The following MT1M variants were observed in gnomAD, a reference collection of about 807,000 sequenced individuals.
MT1M encodes the protein metallothionein 1M, also known as metallothionein-1M.
A neutral mutation model predicts 8.5 loss-of-function variants in MT1M; 11 were observed. The ratio of observed to expected loss-of-function variants is 1.29; its 90% CI spans 0.81 to 2.14. The LOEUF (loss-of-function observed/expected upper bound fraction) is 2.14. Among genes scored for constraint, MT1M ranks in the 30% most tolerant of loss-of-function variants. The probability of loss-of-function intolerance (pLI) is 0.00; values close to 1 mark genes in which losing one functional copy is unlikely to be tolerated. For synonymous variants in MT1M, 28 were observed against 30.0 expected, an observed-to-expected ratio of 0.93 and a Z score of 0.22; for missense variants, 84 against 76.6, an observed-to-expected ratio of 1.10 and a Z score of -0.36.
Position 56,633,418 on chromosome 16 carries a change from C to T in MT1M, c.94+13C>T. On this transcript the variant is annotated intron_variant, in intron 2 of 2. Coordinates refer to ENST00000379818, the MANE Select transcript of MT1M (RefSeq NM_176870.3). Reference sequence around the variant, plus strand: ...TCCTGCAAGAAGAGTGAGTGCGGGGCCATCTCCAGGAATCTGGGGCTGTGG... The same window carrying T: ...TCCTGCAAGAAGAGTGAGTGCGGGGTCATCTCCAGGAATCTGGGGCTGTGG... 6.2e-7 allele frequency: 1 copy of T among 1,614,238 alleles called. No homozygotes were observed. The highest frequency in any genetic ancestry group is 8.5e-7 in the Non-Finnish European group (1 of 1,180,036).
chr16:56,633,665 G>C (rs1210745705), intron 2 of MT1M, 86 bp from the exon 3 acceptor site: 9 of 1,602,340 alleles, frequency 5.6e-6, no homozygotes, highest in East Asian at 4.5e-5. Context: ...CTGGGTCTGG[G>C]TTCTGAGCTC....
intron 1 of MT1M, 67 bp downstream of exon 1, chr16:56,632,826 T>A: frequency 6.3e-7 from 1 of 1,590,812 alleles, no homozygotes. Context: ...GGTCTCTGGG[T>A]TTGAGGAGGT....
intron 2 of MT1M, 69 bp from the exon 3 acceptor site, chr16:56,633,682 G>A: frequency 3.1e-6 from 5 of 1,605,932 alleles, no homozygotes; most frequent in Non-Finnish European, 4.3e-6. Flanking sequence ...GCTCCAGCCA[G>A]GCTTGCTATT....
chr16:56,632,700 G>C lies in MT1M; in HGVS notation c.-32G>C, dbSNP rs372415270. The C allele has an allele frequency of 6.2e-7, 1 of 1,612,918 alleles. No individual in the cohort carries two copies. The highest frequency in any genetic ancestry group is 1.7e-5 in the Admixed American group (1 of 60,032). Reference sequence around the variant, plus strand: ...GGGCCTAGCAGTCGCTCCATTTATCGCTTGAGATCTCCAGCCTTACCGCGG... The same window carrying C: ...GGGCCTAGCAGTCGCTCCATTTATCCCTTGAGATCTCCAGCCTTACCGCGG... On this transcript the variant is annotated 5_prime_UTR_variant, in exon 1 of 3. Coordinates refer to ENST00000379818, the MANE Select transcript of MT1M (RefSeq NM_176870.3).
At position 56,633,964 on chromosome 16, in the gene MT1M, A is replaced by G; in HGVS notation, c.*122A>G. 4 of 1,093,140 alleles carry G rather than the reference A, an allele frequency of 3.7e-6. No homozygotes were observed. Among genetic ancestry groups the G allele is most frequent in the Non-Finnish European group, 4.0e-6 (3 of 759,416 alleles). The allele number at this position is 1,093,140 out of a possible 1,614,324, so 67.7% of individuals were successfully genotyped here. On this transcript the variant is annotated 3_prime_UTR_variant, in exon 3 of 3. Transcript: ENST00000379818. ...TATATTAAATATGTGAGTGACAATAAAACAATTTTGACTTGAATCTTACTC... is the reference window on the plus strand; with the variant it reads ...TATATTAAATATGTGAGTGACAATAGAACAATTTTGACTTGAATCTTACTC...
Position 56,632,743 on chromosome 16 carries a change from C to A in MT1M, c.12C>A (p.Asn4Lys), listed in dbSNP as rs1159781860. 2 of 1,613,878 alleles carry A rather than the reference C, an allele frequency of 1.2e-6. No homozygotes were observed. Among genetic ancestry groups the A allele is most frequent in the Non-Finnish European group, 8.5e-7 (1 of 1,180,044 alleles). The change falls in exon 1 of 3, where the codon AAC becomes AAA. Residue 4 changes from asparagine to lysine, a missense_variant. Transcript: ENST00000379818. ...TACCGCGGCTCGAAATGGACCCCAA[C>A]TGCTCCTGCACCACTGGTAAGAGAA... MDP[N>K]CSCTTGVSCA...
chr16:56,633,586 G>C (rs1350079843), intron 2 of MT1M, 165 bp from the exon 3 acceptor site: 1 of 1,596,998 alleles, frequency 6.3e-7, no homozygotes, highest in African/African-American at 1.3e-5. Context: ...TTTTTCTCTT[G>C]GGACACAAAT....
chr16:56,633,712 T>C, intron 2 of MT1M, 39 bp from the exon 3 acceptor site: 1 of 1,612,592 alleles, frequency 6.2e-7, no homozygotes, highest in Non-Finnish European at 8.5e-7. Context: ...CGGTGCCCGG[T>C]CAAGTCTACT....
intron 1 of MT1M, 94 bp downstream of exon 1, chr16:56,632,853 G>C: frequency 6.6e-7 from 1 of 1,504,788 alleles, no homozygotes; most frequent in Non-Finnish European, 9.2e-7. Context: ...TAAGTTCTGA[G>C]CGGAAGGGAA....
chr16:56,633,325 T>G lies in MT1M; in HGVS notation c.29-15T>G, dbSNP rs1332196085. 6.2e-7 allele frequency: 1 copy of G among 1,614,128 alleles called. No homozygotes were observed. The highest frequency in any genetic ancestry group is 8.5e-7 in the Non-Finnish European group (1 of 1,180,044). ...ATCTCACTCACTGCCCACTGCGTTT[T>G]TCTCTTCCTTGCAGGTGTCTCCTGC... On this transcript the variant is annotated splice_polypyrimidine_tract_variant and intron_variant, in intron 1 of 2. Transcript: ENST00000379818.
rs189102229 is a variant in MT1M, at chr16:56,633,351, G to C, written c.40G>C (p.Ala14Pro). 7.4e-6 allele frequency: 12 copies of C among 1,614,126 alleles called. No homozygotes were observed. The South Asian group carries it at 7.7e-5, about 10-fold the overall frequency. ...NCSCTTGVSCACTGSCTCKEC... is the reference protein window; with the variant it reads ...NCSCTTGVSCPCTGSCTCKEC... ...TCTCTTCCTTGCAGGTGTCTCCTGC[G>C]CCTGCACCGGCTCCTGCACGTGCAA... is the stretch of plus-strand genomic sequence containing the variant. Residue 14 changes from alanine (A) to proline (P), a missense_variant, in exon 2 of 3, where the codon GCC becomes CCC. Physicochemically the swap from Ala to Pro is conservative, Grantham distance 27. Coordinates refer to ENST00000379818, the MANE Select transcript of MT1M (RefSeq NM_176870.3).
intron 1 of MT1M, among the ~76,000 whole-genome samples, 155 bp downstream of exon 1, chr16:56,632,914 T>C (rs1337210208): frequency 6.6e-6 from 1 of 152,164 alleles, no homozygotes; most frequent in Non-Finnish European, 1.5e-5. Context: ...CTGAGAGCAC[T>C]GCCCTCCCTC....
chr16:56,632,929 G>A (rs1435746524), intron 1 of MT1M, among the ~76,000 whole-genome samples, 170 bp downstream of exon 1: 2 of 152,188 alleles, frequency 1.3e-5, no homozygotes, highest in African/African-American at 4.8e-5. Flanking sequence ...TCCCTCCTGG[G>A]CCTCTGGGTC....
rs370136556 is a variant in MT1M at position 56,633,388 on chromosome 16, G to C, written c.77G>C (p.Cys26Ser). Residue 26 changes from cysteine (C) to serine (S), a missense_variant, in exon 2 of 3, where the codon TGC becomes TCC. Cys to Ser is a moderately radical substitution (Grantham distance 112). Transcript: ENST00000379818. ...TGSCTCKECK[C>S]TSCKKSCCSC... is the part of the protein sequence containing the mutation. Reference sequence around the variant, plus strand: ...TCCTGCACGTGCAAAGAGTGCAAATGCACCTCCTGCAAGAAGAGTGAGTGC... The same window carrying C: ...TCCTGCACGTGCAAAGAGTGCAAATCCACCTCCTGCAAGAAGAGTGAGTGC... 1.2e-6 allele frequency: 2 copies of C among 1,614,220 alleles called. No individual in the cohort carries two copies. Among genetic ancestry groups the C allele is most frequent in the South Asian group, 1.1e-5 (1 of 91,088 alleles).
rs1960326476 is a variant in MT1M at position 56,633,907 on chromosome 16, T to A, written c.*65T>A. The A allele has an allele frequency of 9.7e-6, 15 of 1,541,268 alleles. No individual in the cohort carries two copies. The highest frequency in any genetic ancestry group is 1.3e-5 in the Non-Finnish European group (15 of 1,120,020). On this transcript the variant is annotated 3_prime_UTR_variant, in exon 3 of 3. Coordinates refer to ENST00000379818, the MANE Select transcript of MT1M (RefSeq NM_176870.3). Reference sequence around the variant, plus strand: ...CTGCACAACCTGGATTTTTTTTCAATACGATACTGAGCCATTTGCTGCATT... The same window carrying A: ...CTGCACAACCTGGATTTTTTTTCAAAACGATACTGAGCCATTTGCTGCATT...
intron 2 of MT1M, 138 bp from the exon 3 acceptor site, chr16:56,633,613 A>G (rs1960320138): frequency 1.9e-6 from 3 of 1,600,650 alleles, no homozygotes; most frequent in African/African-American, 2.7e-5. Flanking sequence ...TGTAGCATCT[A>G]TGGTTTCAGA....
At chr16:56,633,641 G>A (rs556221807) in intron 2 of MT1M, 110 bp from the exon 3 acceptor site, 45 of 1,600,080 alleles carry the variant, frequency 2.8e-5, no homozygotes, top group South Asian at 1.8e-4. Context: ...TGTGCCAGAC[G>A]TAAAAAGCTT....
intron 1 of MT1M, 34 bp from the exon 2 acceptor site, chr16:56,633,306 C>T: frequency 6.2e-7 from 1 of 1,614,164 alleles, no homozygotes; most frequent in Admixed American, 1.7e-5. Flanking sequence ...CTTCATCTCA[C>T]TCACTGCCCA....
At chr16:56,633,281 C>T (rs1960313169) in intron 1 of MT1M, 59 bp from the exon 2 acceptor site, 1 of 1,612,270 alleles carries the variant, frequency 6.2e-7, no homozygotes. Context: ...ACTCATTGAC[C>T]CATTGCTGTA....
Sources: allele counts gnomAD v4.1 joint callset (sites outside exome capture counted in the v4.1 genomes callset), GRCh38; gene constraint gnomAD v4.1.1; transcripts MANE v1.5; gene names NCBI Gene and HGNC (gene_info 2026-07-23, HGNC 2026-07-21).